Variants in ARHGEF37 observed in about 807,000 individuals in gnomAD.
ARHGEF37 encodes the protein Rho guanine nucleotide exchange factor 37.
In ARHGEF37, 55 loss-of-function variants were observed where a neutral mutation model predicts 71.1. The ratio of observed to expected loss-of-function variants is 0.77; its 90% confidence interval spans 0.62 to 0.97. The LOEUF is 0.97. ARHGEF37 is among the 50% of genes least tolerant of loss of function. The pLI is 0.00. For synonymous variants in ARHGEF37, 327 were observed against 350.6 expected (o/e 0.93, Z 0.75); for missense variants, 765 against 836.8 (o/e 0.91, Z 1.06).
chr5:149,598,755 T>TAG (rs1366826950), intron 2 of ARHGEF37, among the ~76,000 whole-genome samples: 5 of 76,636 alleles, frequency 6.5e-5, no homozygotes, highest in African/African-American at 2.5e-4. Flanking sequence ...TATATCTATA[T>TAG]ATAGATATAG....
At chr5:149,563,233 A>G (rs1762858888) in intron 1 of ARHGEF37, among the ~76,000 whole-genome samples, 1 of 152,124 alleles carries the variant, frequency 6.6e-6, no homozygotes, top group African/African-American at 2.4e-5. Flanking sequence ...CTTCCCTGTC[A>G]GATTCTAAAG....
At chr5:149,601,670 A>G (rs1036288554) in intron 3 of ARHGEF37, among the ~76,000 whole-genome samples, 1 of 152,238 alleles carries the variant, frequency 6.6e-6, no homozygotes, top group Non-Finnish European at 1.5e-5. Context: ...ATAATTTGTA[A>G]TTTAAAGGAA....
At chr5:149,601,076 A>G (rs763037315) in intron 2 of ARHGEF37, 32 bp from the exon 3 acceptor site, 7 of 1,598,104 alleles carry the variant, frequency 4.4e-6, no homozygotes, top group South Asian at 3.3e-5. Context: ...GGAACTCCCA[A>G]CCACCTCTCA....
At chr5:149,589,051 A>G (rs1038155147) in intron 1 of ARHGEF37, among the ~76,000 whole-genome samples, 4 of 152,086 alleles carry the variant, frequency 2.6e-5, no homozygotes, top group Admixed American at 2.6e-4. Context: ...GAAACAAGTG[A>G]GACCCTGTCT....
chr5:149,590,254 G>A (rs1763362976), intron 1 of ARHGEF37, among the ~76,000 whole-genome samples: 2 of 151,592 alleles, frequency 1.3e-5, no homozygotes, highest in Non-Finnish European at 2.9e-5. Flanking sequence ...GTAGCTTGCT[G>A]CAGAAGTATT....
chr5:149,566,012 G>C (rs1762894474), intron 1 of ARHGEF37, among the ~76,000 whole-genome samples: 2 of 150,914 alleles, frequency 1.3e-5, no homozygotes, highest in South Asian at 4.2e-4. Context: ...ACCACGCCTG[G>C]CTTTTTTATA....
At position 149,620,442 on chromosome 5, in the gene ARHGEF37, A is replaced by C. The variant is rs755177143; in HGVS notation, c.983A>C (p.His328Pro). The part of the protein sequence containing the change: ...VQYCNLARDL[H>P]LEAFLKFKQR... ...TATTGCAATTTGGCAAGAGACCTTCACCTTGAGGCCTTCCTGAAATTTGTG... is the reference window on the plus strand; with the variant it reads ...TATTGCAATTTGGCAAGAGACCTTCCCCTTGAGGCCTTCCTGAAATTTGTG... Residue 328 changes from histidine to proline, a missense_variant, in exon 8 of 13, where the codon CAC becomes CCC. Physicochemically the swap from His to Pro is moderately conservative, Grantham distance 77 (BLOSUM62 -2). This residue lies in a region of ARHGEF37 where 167 missense variants were observed against 173.3 expected (regional missense o/e 0.96). Coordinates refer to ENST00000333677, the MANE Select transcript of ARHGEF37 (RefSeq NM_001001669.3). The C allele has an allele frequency of 3.1e-6, 5 of 1,610,824 alleles. No homozygotes were observed. The highest frequency in any genetic ancestry group is 3.4e-6 in the Non-Finnish European group (4 of 1,178,622).
chr5:149,598,263 C>CTCCCCT (rs71587782), intron 2 of ARHGEF37, among the ~76,000 whole-genome samples: 1 of 67,692 alleles, frequency 1.5e-5, no homozygotes, highest in African/African-American at 5.8e-5. Context: ...CTTAAACTGA[C>CTCCCCT]TCTTCTTCTT....
chr5:149,590,798 C>A (rs1396593476), intron 1 of ARHGEF37, among the ~76,000 whole-genome samples: 3 of 151,976 alleles, frequency 2.0e-5, no homozygotes, highest in Non-Finnish European at 4.4e-5. Flanking sequence ...GGGGTTTCAC[C>A]ACGTTGCCCA....
At chr5:149,566,760 CT>C (rs1762904858) in intron 1 of ARHGEF37, among the ~76,000 whole-genome samples, 2 of 152,226 alleles carry the variant, frequency 1.3e-5, no homozygotes, top group African/African-American at 4.8e-5. Context: ...ATGGTTATAG[CT>C]TTCTCTGTCA....
chr5:149,596,210 T>C (rs995539038), intron 1 of ARHGEF37, among the ~76,000 whole-genome samples: 11 of 152,214 alleles, frequency 7.2e-5, no homozygotes, highest in Non-Finnish European at 1.5e-4. Context: ...AGATCTGTCA[T>C]GCAGTTAAAA....
Position 149,632,337 on chromosome 5 carries a change from G to T in ARHGEF37, c.*146G>T. ...AAGCACACTCAGGAGGCAGCCAGAAGACATGGGCGGGCCTCGCAGAGTGCT... is the reference window on the plus strand; with the variant it reads ...AAGCACACTCAGGAGGCAGCCAGAATACATGGGCGGGCCTCGCAGAGTGCT... On this transcript the variant is annotated 3_prime_UTR_variant, in exon 13 of 13. Transcript: ENST00000333677. 1.1e-6 allele frequency: 1 copy of T among 874,574 alleles called. No individual in the cohort carries two copies. The allele number at this position is 874,574 out of a possible 1,614,324, so 54.2% of individuals were successfully genotyped here.
intron 4 of ARHGEF37, among the ~76,000 whole-genome samples, chr5:149,610,177 C>T (rs1015825999): frequency 3.3e-5 from 5 of 152,146 alleles, no homozygotes; most frequent in African/African-American, 9.7e-5. Context: ...GTTGGAGAAG[C>T]GGAAACGTTT....
At chr5:149,583,792 T>C (rs769808602) in intron 1 of ARHGEF37, among the ~76,000 whole-genome samples, 8 of 152,164 alleles carry the variant, frequency 5.3e-5, no homozygotes, top group Non-Finnish European at 1.0e-4. Flanking sequence ...AGACAGGGTC[T>C]CCTCTGTCAC....
intron 1 of ARHGEF37, among the ~76,000 whole-genome samples, chr5:149,588,566 G>A (rs967239753): frequency 6.6e-6 from 1 of 152,108 alleles, no homozygotes; most frequent in African/African-American, 2.4e-5. Flanking sequence ...CCAAAGTGCT[G>A]GGATTATGGG....
intron 8 of ARHGEF37, among the ~76,000 whole-genome samples, chr5:149,621,198 T>A (rs1284192152): frequency 6.6e-6 from 1 of 151,592 alleles, no homozygotes. Flanking sequence ...CAAGGTGGCT[T>A]ATGCCTGTAA....
chr5:149,626,241 A>AACACACAC lies in ARHGEF37; in HGVS notation c.1465-796_1465-789dup, dbSNP rs58263212. Among the ~76,000 whole-genome samples the AACACACAC allele has an allele frequency of 1.5e-3, 196 of 133,736 alleles. 2 individuals carry two copies. Among genetic ancestry groups the AACACACAC allele is most frequent in the African/African-American group, 3.1e-3 (116 of 37,480 alleles). 87.7% of individuals were successfully genotyped at this position (133,736 alleles called of 152,430 possible). On this transcript the variant is annotated intron_variant, in intron 10 of 12. Coordinates refer to ENST00000333677, the MANE Select transcript of ARHGEF37 (RefSeq NM_001001669.3). ...AGGAGTAACCACATAGAGCATGGTGAACACACACACACACACACACACACA... is the reference window on the plus strand; with the variant it reads ...AGGAGTAACCACATAGAGCATGGTGAACACACACACACACACACACACACACACACACA...
upstream of ARHGEF37, among the ~76,000 whole-genome samples, chr5:149,580,427 T>C (rs889688398): frequency 6.6e-6 from 1 of 152,148 alleles, no homozygotes; most frequent in Non-Finnish European, 1.5e-5. Flanking sequence ...ATCTGTCACA[T>C]TCAAGAGGAG....
At chr5:149,611,387 G>A (rs543017803) in intron 4 of ARHGEF37, among the ~76,000 whole-genome samples, 4 of 152,192 alleles carry the variant, frequency 2.6e-5, no homozygotes, top group Admixed American at 6.5e-5. Context: ...TTTAAGAGAC[G>A]CCAGAAACTT....
Sources: gnomAD v4.1 joint callset for allele counts (sites outside exome capture counted in the v4.1 genomes callset) on GRCh38, gnomAD v4.1.1 for gene constraint, gnomAD v4.1.1 regional missense constraint, MANE v1.5 for transcripts, NCBI Gene and HGNC (gene_info 2026-07-23, HGNC 2026-07-21) for gene names.